Variants in MICA observed in about 807,000 individuals in gnomAD.
MICA encodes MHC class I polypeptide-related sequence A.
A neutral mutation model predicts 34.3 loss-of-function variants in MICA; 18 were observed. The ratio of observed to expected loss-of-function variants is 0.52; its 90% CI spans 0.36 to 0.78. The LOEUF (loss-of-function observed/expected upper bound fraction) is 0.78, where lower values mean the gene tolerates loss of function less well. Ranked by LOEUF, MICA falls within the 30% of genes least tolerant of loss-of-function variation. The probability of loss-of-function intolerance (pLI) is 0.00; values close to 1 mark genes in which losing one functional copy is unlikely to be tolerated. For missense variants in MICA, 333 were observed against 409.4 expected (o/e 0.81, Z 1.61); for synonymous variants, 135 against 156.9 (o/e 0.86, Z 1.04).
chr6:31,407,106 G>C (rs1441327128), intron 1 of MICA, among the ~76,000 whole-genome samples: 2 of 151,890 alleles, frequency 1.3e-5, no homozygotes, highest in African/African-American at 4.8e-5. Flanking sequence ...TTAGTGTTTT[G>C]ATAGGGATTG....
chr6:31,403,426 G>T (rs1348734366), upstream of MICA, among the ~76,000 whole-genome samples: 1 of 151,904 alleles, frequency 6.6e-6, no homozygotes, highest in Non-Finnish European at 1.5e-5. The surrounding 1 kb of genome is among the most constrained non-coding windows in gnomAD (Gnocchi z 4.7). Flanking sequence ...CCCAGGTCCC[G>T]CCTTCTAAAT....
At chr6:31,409,396 G>A (rs2854000) in intron 1 of MICA, among the ~76,000 whole-genome samples, 11,011 of 151,406 alleles carry the variant, frequency 0.073, 644 homozygotes, top group African/African-American at 0.1. Context: ...GTTTGGATTT[G>A]CATTTTCCTA....
intron 5 of MICA, among the ~76,000 whole-genome samples, chr6:31,413,178 CTGAG>C (rs1771305860): frequency 6.6e-6 from 1 of 151,896 alleles, no homozygotes; most frequent in African/African-American, 2.4e-5. Flanking sequence ...CCTGGCCTCC[CTGAG>C]TTTCTTGCAG....
intron 5 of MICA, 89 bp downstream of exon 5, chr6:31,412,549 G>A (rs1771257989): frequency 1.2e-6 from 1 of 849,204 alleles, no homozygotes; most frequent in Non-Finnish European, 1.8e-6. Flanking sequence ...TAGGCATGTT[G>A]GTGACAAGGC....
At position 31,403,961 on chromosome 6, in the gene MICA, C is replaced by G. The variant is rs1232420750; in HGVS notation, c.70+259C>G. Among the ~76,000 whole-genome samples the G allele has an allele frequency of 3.3e-5, 5 of 151,842 alleles. No homozygotes were observed. The highest frequency in any genetic ancestry group is 4.4e-5 in the Non-Finnish European group (3 of 68,020). ...TCTCTCCTCGCGTCTCCTCCGCTTC[C>G]TCTCACTTTTCGGACAAACCAGTCC... On this transcript the variant is annotated intron_variant, in intron 1 of 5. Transcript: ENST00000449934. This position sits in a 1 kb window ranked among gnomAD's most constrained non-coding sequence, Gnocchi z 4.7.
intron 5 of MICA, 142 bp downstream of exon 5, chr6:31,412,602 T>C (rs1771261512): frequency 1.5e-6 from 1 of 651,646 alleles, no homozygotes; most frequent in East Asian, 2.8e-5. Flanking sequence ...GGGAAGGGAA[T>C]GGGGGCAGCA....
At position 31,410,648 on chromosome 6, in the gene MICA, A is replaced by G. The variant is rs1051786; in HGVS notation, c.176A>G (p.Tyr59Cys). The change falls in exon 2 of 6, where the codon TAT (tyrosine) becomes TGT (cysteine). Residue 59 changes from tyrosine to cysteine, a missense_variant. Tyr to Cys is a radical substitution (Grantham distance 194). Coordinates refer to ENST00000449934, the MANE Select transcript of MICA (RefSeq NM_001177519.3). Reference sequence around the variant, plus strand: ...CTGGATGGTCAGCCCTTCCTGCGCTATGACAGGCAGAAATGCAGGGCAAAG... The same window carrying G: ...CTGGATGGTCAGCCCTTCCTGCGCTGTGACAGGCAGAAATGCAGGGCAAAG... ...VHLDGQPFLR[Y>C]DRQKCRAKPQ... 472,882 of 1,612,946 alleles carry G rather than the reference A, an allele frequency of 0.29. 74,147 individuals carry two copies. Among genetic ancestry groups the G allele is most frequent in the African/African-American group, 0.45 (33,664 of 74,674 alleles).
chr6:31,407,888 C>T (rs951680127), intron 1 of MICA, among the ~76,000 whole-genome samples: 2 of 151,772 alleles, frequency 1.3e-5, no homozygotes, highest in African/African-American at 2.4e-5. Flanking sequence ...TACTGTGTTG[C>T]ATAACTGTGG....
chr6:31,413,120 C>T (rs9357133), intron 5 of MICA, among the ~76,000 whole-genome samples: 8,337 of 151,984 alleles, frequency 0.055, 404 homozygotes, highest in East Asian at 0.19. Context: ...TTGGGGTTGT[C>T]GTGTCCTCTG....
At chr6:31,412,564 A>T in intron 5 of MICA, 104 bp downstream of exon 5, 1 of 747,294 alleles carries the variant, frequency 1.3e-6, no homozygotes, top group Non-Finnish European at 2.2e-6. Context: ...CAAGGCTTCC[A>T]TAACAGGGGA....
In MICA at chr6:31,411,374, C is replaced by A; in HGVS notation, c.613+15C>A. ...GAGGAGAACAGGTACCGACGCTGGCCAGGGGCTCTCCTCTCCCTCCAATTC... is the reference window on the plus strand; with the variant it reads ...GAGGAGAACAGGTACCGACGCTGGCAAGGGGCTCTCCTCTCCCTCCAATTC... On this transcript the variant is annotated intron_variant, in intron 3 of 5. Transcript: ENST00000449934. This position sits in a 1 kb window ranked among gnomAD's most constrained non-coding sequence, Gnocchi z 4.3. 6.5e-7 allele frequency: 1 copy of A among 1,543,292 alleles called. No individual in the cohort carries two copies. Among genetic ancestry groups the A allele is most frequent in the Non-Finnish European group, 8.7e-7 (1 of 1,143,012 alleles).
Position 31,410,670 on chromosome 6 carries a change from A to G in MICA, c.198A>G (p.Ala66=). Residue 66 remains alanine, a synonymous_variant, in exon 2 of 6, where the codon GCA becomes GCG. Coordinates refer to ENST00000449934, the MANE Select transcript of MICA (RefSeq NM_001177519.3). ...GCTATGACAGGCAGAAATGCAGGGC[A>G]AAGCCCCAGGGACAGTGGGCAGAAG... The part of the protein sequence containing the change: ...FLRYDRQKCR[A]KPQGQWAEDV... 1 of 1,613,606 alleles carries G rather than the reference A, an allele frequency of 6.2e-7. No individual in the cohort carries two copies. The highest frequency in any genetic ancestry group is 8.5e-7 in the Non-Finnish European group (1 of 1,180,038).
At chr6:31,404,506 A>G (rs1212278118) in intron 1 of MICA, among the ~76,000 whole-genome samples, 1 of 151,266 alleles carries the variant, frequency 6.6e-6, no homozygotes, top group Non-Finnish European at 1.5e-5. Context: ...ATCCATTTCT[A>G]GGGTGTCCTC....
chr6:31,407,511 C>T (rs1223919668), intron 1 of MICA, among the ~76,000 whole-genome samples: 2 of 151,984 alleles, frequency 1.3e-5, no homozygotes, highest in Non-Finnish European at 2.9e-5. Context: ...GCTGGGATTA[C>T]AGGCATGAGC....
intron 1 of MICA, among the ~76,000 whole-genome samples, chr6:31,404,302 C>A (rs1469445391): frequency 1.3e-5 from 2 of 151,554 alleles, no homozygotes; most frequent in Non-Finnish European, 2.9e-5. Context: ...CCTGCGACTT[C>A]TCTCATCCCC....
Position 31,411,624 on chromosome 6 carries a change from AG to A in MICA, c.613+266del, listed in dbSNP as rs958014315. On this transcript the variant is annotated intron_variant, in intron 3 of 5. Transcript: ENST00000449934. The surrounding 1 kb of genome is among the most constrained non-coding windows in gnomAD (Gnocchi z 4.3). ...GTGGTGGGTGTCAGGCAGGAGAGGA[AG>A]CCTTCAGGGCCAGGGCTGCCCCCTC... Among the ~76,000 whole-genome samples, 2 of 151,768 alleles carry A rather than the reference AG, an allele frequency of 1.3e-5. No individual in the cohort carries two copies. Among genetic ancestry groups the A allele is most frequent in the Non-Finnish European group, 2.9e-5 (2 of 67,986 alleles).
At chr6:31,401,479 T>G (rs1402282354), upstream of MICA, among the ~76,000 whole-genome samples, 2 of 151,560 alleles carry the variant, frequency 1.3e-5, no homozygotes, top group African/African-American at 4.9e-5. Context: ...TTTCCTGATC[T>G]TGGAGGGTTC....
rs555147585 is a variant in MICA at position 31,410,455 on chromosome 6, G to A, written c.71-88G>A. On this transcript the variant is annotated intron_variant, in intron 1 of 5. Coordinates refer to ENST00000449934, the MANE Select transcript of MICA (RefSeq NM_001177519.3). Reference sequence around the variant, plus strand: ...TGCCCGTGTGCATTTCCTGCCCCAGGAAGGTTGGGACAGCAGACCTGTGTG... The same window carrying A: ...TGCCCGTGTGCATTTCCTGCCCCAGAAAGGTTGGGACAGCAGACCTGTGTG... 10 of 1,452,112 alleles carry A rather than the reference G, an allele frequency of 6.9e-6. No individual in the cohort carries two copies. In the East Asian group the frequency reaches 1.6e-4, roughly 24 times the overall value. The allele number at this position is 1,452,112 out of a possible 1,614,324, so 90.0% of individuals were successfully genotyped here.
In MICA at chr6:31,411,225, C is replaced by A; in HGVS notation, c.479C>A (p.Thr160Asn). 6.2e-7 allele frequency: 1 copy of A among 1,613,384 alleles called. No individual in the cohort carries two copies. Among genetic ancestry groups the A allele is most frequent in the Non-Finnish European group, 8.5e-7 (1 of 1,179,982 alleles). The change falls in exon 3 of 6, where the codon ACC becomes AAC. Residue 160 changes from threonine to asparagine, a missense_variant. Physicochemically the swap from Thr to Asn is moderately conservative, Grantham distance 65. Coordinates refer to ENST00000449934, the MANE Select transcript of MICA (RefSeq NM_001177519.3). The surrounding 1 kb of genome is among the most constrained non-coding windows in gnomAD (Gnocchi z 4.3). ...WTVPQSSRAQ[T>N]LAMNVRNFLK... is the part of the protein sequence containing the mutation. ...GTGCCCCAGTCCTCCAGAGCTCAGA[C>A]CTTGGCCATGAACGTCAGGAATTTC... is the stretch of plus-strand genomic sequence containing the variant.
Sources: gnomAD v4.1 joint callset for allele counts (sites outside exome capture counted in the v4.1 genomes callset) on GRCh38, gnomAD v4.1.1 for gene constraint, Gnocchi (gnomAD v3.1) non-coding constraint, MANE v1.5 for transcripts, NCBI Gene and HGNC (gene_info 2026-07-23, HGNC 2026-07-21) for gene names.